IL12RB2: variants seen among roughly 807,000 people sequenced by gnomAD.
The protein encoded by IL12RB2 is interleukin 12 receptor subunit beta 2.
Under a neutral mutation model 89.4 loss-of-function variants are expected in IL12RB2, and 82 were observed. That is an observed-to-expected ratio of 0.92 (90% CI 0.77 to 1.10). IL12RB2 has a LOEUF of 1.10. Ranked by LOEUF, IL12RB2 falls within the 50% of genes least tolerant of loss-of-function variation. The probability of loss-of-function intolerance (pLI) is 0.00; values close to 1 mark genes in which losing one functional copy is unlikely to be tolerated. For missense variants in IL12RB2, 963 were observed against 1,031.9 expected (o/e 0.93, Z 0.92); for synonymous variants, 368 against 370.1 (o/e 0.99, Z 0.07).
chr1:67,384,370 T>C (rs1025596677), intron 14 of IL12RB2, among the ~76,000 whole-genome samples: 6 of 152,250 alleles, frequency 3.9e-5, no homozygotes, highest in South Asian at 2.1e-4. Context: ...TAGCCACAGC[T>C]GGAGTGGCTA....
chr1:67,368,625 T>C (rs1330888951), intron 11 of IL12RB2, among the ~76,000 whole-genome samples: 1 of 152,220 alleles, frequency 6.6e-6, no homozygotes, highest in African/African-American at 2.4e-5. Flanking sequence ...TATATTAAAA[T>C]GATTGGGCAG....
intron 9 of IL12RB2, among the ~76,000 whole-genome samples, chr1:67,340,221 G>A (rs1019965463): frequency 1.3e-5 from 2 of 152,074 alleles, no homozygotes; most frequent in Admixed American, 1.3e-4. Flanking sequence ...TCATGATCAG[G>A]CTCTTCACTT....
At chr1:67,349,656 C>A (rs1011266380) in intron 9 of IL12RB2, among the ~76,000 whole-genome samples, 51 of 152,162 alleles carry the variant, frequency 3.4e-4, no homozygotes, top group Admixed American at 1.8e-3. Context: ...TAGTTTTGGG[C>A]CTTTTGGATC....
At chr1:67,335,483 C>T (rs979541518) in intron 8 of IL12RB2, among the ~76,000 whole-genome samples, 1 of 152,172 alleles carries the variant, frequency 6.6e-6, no homozygotes, top group Non-Finnish European at 1.5e-5. Context: ...GCAAGGTCAT[C>T]TCTTTTTCAT....
chr1:67,328,991 A>G (rs1284049573), intron 6 of IL12RB2, among the ~76,000 whole-genome samples: 1 of 152,090 alleles, frequency 6.6e-6, no homozygotes, highest in Admixed American at 6.5e-5. Flanking sequence ...TGAAGTTCCA[A>G]CCTCACACTA....
chr1:67,369,008 C>G (rs1242448611), intron 11 of IL12RB2, among the ~76,000 whole-genome samples: 2 of 152,148 alleles, frequency 1.3e-5, no homozygotes, highest in Admixed American at 1.3e-4. Flanking sequence ...ATCATTACAC[C>G]TGTCTAGGAG....
intron 10 of IL12RB2, among the ~76,000 whole-genome samples, chr1:67,352,850 A>G (rs1660994182): frequency 6.6e-6 from 1 of 152,194 alleles, no homozygotes; most frequent in South Asian, 2.1e-4. Flanking sequence ...AGTAGAATGA[A>G]CATACCCATG....
intron 9 of IL12RB2, among the ~76,000 whole-genome samples, chr1:67,346,545 C>G (rs1369030392): frequency 1.3e-5 from 2 of 151,994 alleles, no homozygotes; most frequent in Non-Finnish European, 1.5e-5. Context: ...CACCATTATG[C>G]CCAGCTAATT....
intron 7 of IL12RB2, 105 bp downstream of exon 7, chr1:67,329,834 T>C (rs1443851172): frequency 1.2e-6 from 1 of 835,342 alleles, no homozygotes; most frequent in East Asian, 2.5e-5. Flanking sequence ...AGAATATTTA[T>C]CCCAAAAGTA....
intron 8 of IL12RB2, 114 bp downstream of exon 8, chr1:67,330,924 G>A (rs1657997358): frequency 1.3e-6 from 1 of 755,998 alleles, no homozygotes; most frequent in Non-Finnish European, 2.4e-6. Context: ...GAATCAAAAA[G>A]CATGACTGCA....
Position 67,372,438 on chromosome 1 carries a change from A to T in IL12RB2, c.1462A>T (p.Asn488Tyr). 1 of 1,543,272 alleles carries T rather than the reference A, an allele frequency of 6.5e-7. No individual in the cohort carries two copies. Reference protein sequence around the residue: ...PYNVSALISENIKSYICYEIR... With the variant: ...PYNVSALISEYIKSYICYEIR... ...TGGGAATTCCCTTTTCCTTGCAGAGAACATAAAATCCTACATCTGTTATGA... is the reference window on the plus strand; with the variant it reads ...TGGGAATTCCCTTTTCCTTGCAGAGTACATAAAATCCTACATCTGTTATGA... Residue 488 changes from asparagine (N) to tyrosine (Y), a missense_variant and splice_region_variant, in exon 12 of 17, where the codon AAC becomes TAC. Asn to Tyr is a moderately radical substitution (Grantham distance 143). Coordinates refer to ENST00000674203, the MANE Select transcript of IL12RB2 (RefSeq NM_001374259.2).
intron 9 of IL12RB2, among the ~76,000 whole-genome samples, chr1:67,341,516 A>AAAAG (rs1659545904): frequency 1.2e-5 from 1 of 84,208 alleles, no homozygotes; most frequent in African/African-American, 8.1e-5. Context: ...GAAAGAAGGA[A>AAAAG]AGAAAAAAGA....
At chr1:67,345,666 A>G (rs983635762) in intron 9 of IL12RB2, among the ~76,000 whole-genome samples, 1 of 152,148 alleles carries the variant, frequency 6.6e-6, no homozygotes, top group Non-Finnish European at 1.5e-5. Context: ...CACAATTTAG[A>G]TTGTTTCGTT....
rs142354834 is a variant in IL12RB2, at chr1:67,382,109, C to A, written c.1855+1986C>A. 6.6e-5 allele frequency among the ~76,000 whole-genome samples: 10 copies of A among 152,322 alleles called. No individual in the cohort carries two copies. In the East Asian group the frequency reaches 1.9e-3, roughly 29 times the overall value. On this transcript the variant is annotated intron_variant, in intron 14 of 16. Transcript: ENST00000674203. Reference sequence around the variant, plus strand: ...AAGAAACGTGAGATTTGGCCAAGTGCCGTGGCTCCCACCTATAATCTCAGC... The same window carrying A: ...AAGAAACGTGAGATTTGGCCAAGTGACGTGGCTCCCACCTATAATCTCAGC...
intron 9 of IL12RB2, among the ~76,000 whole-genome samples, chr1:67,348,542 G>A (rs1481546978): frequency 6.6e-6 from 1 of 152,030 alleles, no homozygotes; most frequent in Admixed American, 6.6e-5. Flanking sequence ...TGAATTAACT[G>A]TTAATCTGTA....
At chr1:67,369,563 G>T (rs527601744) in intron 11 of IL12RB2, among the ~76,000 whole-genome samples, 1 of 152,290 alleles carries the variant, frequency 6.6e-6, no homozygotes, top group South Asian at 2.1e-4. Context: ...CAAATCAGGT[G>T]AAAGTGAATA....
Position 67,329,698 on chromosome 1 carries a change from A to G in IL12RB2, c.776A>G (p.Tyr259Cys). The change falls in exon 7 of 17, where the codon TAT becomes TGT. Residue 259 changes from tyrosine to cysteine, a missense_variant. Tyr to Cys is a radical substitution (Grantham distance 194, BLOSUM62 -2). Transcript: ENST00000674203. ...CTGGTACTGCTTAATCGACTCAGATATCGGCCCAGTAACAGCAGGCTCTGG... is the reference window on the plus strand; with the variant it reads ...CTGGTACTGCTTAATCGACTCAGATGTCGGCCCAGTAACAGCAGGCTCTGG... ...EGLVLLNRLR[Y>C]RPSNSRLWNM... 1 of 1,607,080 alleles carries G rather than the reference A, an allele frequency of 6.2e-7. No individual in the cohort carries two copies. Among genetic ancestry groups the G allele is most frequent in the East Asian group, 2.2e-5 (1 of 44,836 alleles).
intron 14 of IL12RB2, among the ~76,000 whole-genome samples, chr1:67,385,718 C>A (rs892125824): frequency 6.6e-6 from 1 of 152,194 alleles, no homozygotes; most frequent in Non-Finnish European, 1.5e-5. Flanking sequence ...AGAATAGGCA[C>A]AATTTCAAAC....
At chr1:67,380,872 T>C (rs1427778995) in intron 14 of IL12RB2, among the ~76,000 whole-genome samples, 1 of 152,182 alleles carries the variant, frequency 6.6e-6, no homozygotes, top group East Asian at 1.9e-4. Flanking sequence ...AGGACACCAG[T>C]CATATTGGAT....
Sources: gnomAD v4.1 joint callset for allele counts (sites outside exome capture counted in the v4.1 genomes callset) on GRCh38, gnomAD v4.1.1 for gene constraint, MANE v1.5 for transcripts, NCBI Gene and HGNC (gene_info 2026-07-23, HGNC 2026-07-21) for gene names.